SERPINF2: variants seen among roughly 807,000 people sequenced by gnomAD.
SERPINF2 encodes serpin family F member 2.
SERPINF2 carries 15 observed loss-of-function variants against 45.0 expected under a neutral mutation model. The ratio of observed to expected loss-of-function variants is 0.33; its 90% confidence interval spans 0.22 to 0.51. The LOEUF (loss-of-function observed/expected upper bound fraction) is 0.51. Ranked by LOEUF, SERPINF2 falls within the 20% of genes least tolerant of loss-of-function variation. SERPINF2 has a pLI of 0.97. For synonymous variants in SERPINF2, 283 were observed against 277.9 expected (o/e 1.02, Z -0.18); for missense variants, 518 against 637.4 (o/e 0.81, Z 2.02).
rs541869226 is a variant in SERPINF2, at chr17:1,747,168, C to T, written c.511+6C>T. 7.8e-5 allele frequency: 125 copies of T among 1,612,074 alleles called. 2 individuals are homozygous for T. In the South Asian group the frequency reaches 1.1e-3, roughly 15 times the overall value. On this transcript the variant is annotated splice_donor_region_variant and intron_variant, in intron 6 of 9. Transcript: ENST00000453066. ...CAGGATGTACCTGCAGAAAGGTAGG[C>T]GCTGATGGCAGGGAGCTCCCTCAGT...
At chr17:1,753,465 T>C (rs1906566696) in intron 9 of SERPINF2, among the ~76,000 whole-genome samples, 2 of 152,178 alleles carry the variant, frequency 1.3e-5, no homozygotes, top group Admixed American at 1.3e-4. Flanking sequence ...AGAGGGTGGA[T>C]CACCTGAGGT....
chr17:1,745,095 AG>A lies in SERPINF2; in HGVS notation c.63+42del. 6.7e-7 allele frequency: 1 copy of A among 1,493,584 alleles called. No individual in the cohort carries two copies. Among genetic ancestry groups the A allele is most frequent in the Non-Finnish European group, 9.2e-7 (1 of 1,090,666 alleles). The allele number at this position is 1,493,584 out of a possible 1,614,324, so 92.5% of individuals were successfully genotyped here. A position where few individuals can be genotyped will look rare whatever the true frequency, so the allele number is the denominator to read the frequency against. Reference sequence around the variant, plus strand: ...CTGAAGTCAAGGTGGGGTGGGGTGGAGGGGGAAGAAGAGGGGCGTTGGCATG... The same window carrying A: ...CTGAAGTCAAGGTGGGGTGGGGTGGAGGGGAAGAAGAGGGGCGTTGGCATG... On this transcript the variant is annotated intron_variant, in intron 2 of 9. Transcript: ENST00000453066. The surrounding 1 kb of genome is among the most constrained non-coding windows in gnomAD (Gnocchi z 6.2).
In SERPINF2 at chr17:1,747,436, G is replaced by A. The variant is rs370865079; in HGVS notation, c.639G>A (p.Glu213=). 21 of 1,614,200 alleles carry A rather than the reference G, an allele frequency of 1.3e-5. No individual in the cohort carries two copies. In the South Asian group the frequency reaches 2.3e-4, roughly 18 times the overall value. ...ACCAATGGGTGAAGGAGGCCACGGA[G>A]GGGAAGATTCAGGAATTCCTCTCTG... The part of the protein sequence containing the change: ...NINQWVKEAT[E]GKIQEFLSGL... Residue 213 remains glutamate (E), a synonymous_variant, in exon 7 of 10, where the codon GAG becomes GAA. Transcript: ENST00000453066.
intron 5 of SERPINF2, among the ~76,000 whole-genome samples, chr17:1,746,605 T>G (rs1414826983): frequency 6.6e-6 from 1 of 151,834 alleles, no homozygotes; most frequent in Non-Finnish European, 1.5e-5. Flanking sequence ...TTTTGTATTT[T>G]TAGTAGAGAC....
chr17:1,744,738 C>T (rs898932271), intron 1 of SERPINF2: 1 of 985,322 alleles, frequency 1.0e-6, no homozygotes, highest in African/African-American at 1.7e-5. Flanking sequence ...TTCACCAAAA[C>T]ACCCTCAGTG....
intron 1 of SERPINF2, 104 bp from the exon 2 acceptor site, chr17:1,744,888 C>T: frequency 2.5e-6 from 4 of 1,589,012 alleles, no homozygotes; most frequent in East Asian, 4.6e-5. Flanking sequence ...TTCCCCTTGG[C>T]AATCATGACC....
rs1906724121 is a variant in SERPINF2 at position 1,754,874 on chromosome 17, C to G, written c.*340C>G. 5.1e-6 allele frequency: 2 copies of G among 395,148 alleles called. No homozygotes were observed. Among genetic ancestry groups the G allele is most frequent in the Admixed American group, 8.5e-5 (2 of 23,590 alleles). 24.5% of individuals were successfully genotyped at this position (395,148 alleles called of 1,614,324 possible). ...CTGGGACACCCCGACTTTTGTTTAC[C>G]AGAGAAAAAGGGAGGGGGAGAGGGC... On this transcript the variant is annotated 3_prime_UTR_variant, in exon 10 of 10. Transcript: ENST00000453066.
rs755687036 is a variant in SERPINF2, at chr17:1,745,940, G to A, written c.367+31G>A. On this transcript the variant is annotated intron_variant, in intron 5 of 9. Transcript: ENST00000453066. This position sits in a 1 kb window ranked among gnomAD's most constrained non-coding sequence, Gnocchi z 6.2. ...CTGGCACCACTTGTCCAGACCAAGAGAGCTGGGAGGCCAGTAGGAACTCAG... is the reference window on the plus strand; with the variant it reads ...CTGGCACCACTTGTCCAGACCAAGAAAGCTGGGAGGCCAGTAGGAACTCAG... 10 of 1,602,592 alleles carry A rather than the reference G, an allele frequency of 6.2e-6. No homozygotes were observed. The East Asian group carries it at 1.8e-4, about 29-fold the overall frequency.
rs946174690 is a variant in SERPINF2, at chr17:1,755,207, G to C, written c.*673G>C. ...GGAAGGATCCCATGAGCTCCTTAAG[G>C]CTCTTTTGTAAGGTTTTTGTAGTGA... On this transcript the variant is annotated 3_prime_UTR_variant, in exon 10 of 10. Transcript: ENST00000453066. The surrounding 1 kb of genome is among the most constrained non-coding windows in gnomAD (Gnocchi z 4.2). 1.0e-4 allele frequency: 16 copies of C among 152,766 alleles called. 1 individual carries two copies. Among genetic ancestry groups the C allele is most frequent in the Admixed American group, 1.0e-3 (16 of 15,342 alleles). The allele number at this position is 152,766 out of a possible 1,614,324, so 9.5% of individuals were successfully genotyped here.
chr17:1,748,725 G>C lies in SERPINF2; in HGVS notation c.843G>C (p.Glu281Asp). The change falls in exon 8 of 10, where the codon GAG (glutamate) becomes GAC (aspartate). Residue 281 changes from glutamate to aspartate, a missense_variant. Transcript: ENST00000453066. ...RTYPLRWFLL[E>D]QPEIQVAHFP... ...ACCCGCTGCGCTGGTTCTTGCTGGA[G>C]CAGCCTGAGATCCAGGTCACCCTTG... The C allele has an allele frequency of 2.0e-6, 3 of 1,500,598 alleles. No homozygotes were observed. In the East Asian group the frequency reaches 6.8e-5, roughly 34 times the overall value. 93.0% of individuals were successfully genotyped at this position (1,500,598 alleles called of 1,614,324 possible).
chr17:1,750,273 C>A (rs917808531), intron 8 of SERPINF2, among the ~76,000 whole-genome samples: 1 of 152,068 alleles, frequency 6.6e-6, no homozygotes, highest in East Asian at 1.9e-4. Flanking sequence ...CTCAGCCTCC[C>A]GAGTAGCTTG....
At chr17:1,743,231 C>A (rs543269270) in intron 1 of SERPINF2, among the ~76,000 whole-genome samples, 54 of 152,190 alleles carry the variant, frequency 3.5e-4, no homozygotes, top group Admixed American at 1.0e-3. Context: ...CAACACCTGC[C>A]CTTCCCAGAG....
At chr17:1,742,933 C>T (rs948468490) in intron 1 of SERPINF2, 25 bp downstream of exon 1, 9 of 985,354 alleles carry the variant, frequency 9.1e-6, no homozygotes, top group Non-Finnish European at 1.1e-5. Flanking sequence ...GCTGCTCGGC[C>T]TGCTCCTTGG....
chr17:1,752,560 A>C (rs766017409), intron 8 of SERPINF2, 26 bp from the exon 9 acceptor site: 1 of 1,611,090 alleles, frequency 6.2e-7, no homozygotes, highest in Non-Finnish European at 8.5e-7. Context: ...TTCTGTCCTC[A>C]TGCTCTTCCC....
In SERPINF2 at chr17:1,754,685, T is replaced by TGGGGGGGGGGG; in HGVS notation, c.*161_*162insGGGGGGGGGGG. 1.7e-5 allele frequency: 3 copies of TGGGGGGGGGGG among 179,690 alleles called. No homozygotes were observed. Among genetic ancestry groups the TGGGGGGGGGGG allele is most frequent in the Non-Finnish European group, 3.2e-5 (3 of 94,442 alleles). 11.1% of individuals were successfully genotyped at this position (179,690 alleles called of 1,614,324 possible). ...CCAACACCTCTTGGGGAGTTTAGGG[T>TGGGGGGGGGGG]GGGGGGGGGGCGCGGCTGGGAGGAG... On this transcript the variant is annotated 3_prime_UTR_variant, in exon 10 of 10. Transcript: ENST00000453066.
At position 1,742,893 on chromosome 17, in the gene SERPINF2, C is replaced by A; in HGVS notation, c.-20C>A. The A allele has an allele frequency of 1.0e-6, 1 of 985,116 alleles. No homozygotes were observed. The allele number at this position is 985,116 out of a possible 1,614,324, so 61.0% of individuals were successfully genotyped here. ...GCCAGAGGAACGTTGTGTGTGGCAG[C>A]AAGGAGCCCGCAGAGGTATGAGGGG... On this transcript the variant is annotated 5_prime_UTR_variant, in exon 1 of 10. Transcript: ENST00000453066.
downstream of SERPINF2, chr17:1,755,265 CCTGG>C (rs1567746546): frequency 6.5e-6 from 1 of 152,726 alleles, no homozygotes; most frequent in African/African-American, 2.4e-5. This position sits in a 1 kb window ranked among gnomAD's most constrained non-coding sequence, Gnocchi z 4.2. Flanking sequence ...AATGAATGGG[CCTGG>C]CTGGTTTGAT....
At chr17:1,747,779 G>A (rs1465572982) in intron 7 of SERPINF2, among the ~76,000 whole-genome samples, 1 of 152,038 alleles carries the variant, frequency 6.6e-6, no homozygotes, top group East Asian at 2.0e-4. Flanking sequence ...GGCCAGGCTG[G>A]CCTTGAACTC....
rs528258352 is a variant in SERPINF2, at chr17:1,749,885, C to T, written c.858+1145C>T. 5.3e-5 allele frequency among the ~76,000 whole-genome samples: 8 copies of T among 152,312 alleles called. 1 individual carries two copies. The South Asian group carries it at 8.3e-4, about 16-fold the overall frequency. On this transcript the variant is annotated intron_variant, in intron 8 of 9. Transcript: ENST00000453066. ...GCAGCCCCCAGCCTGGGAGATTCCA[C>T]GGGGCGCTCACACAGTGCTCCTTAG... is the stretch of plus-strand genomic sequence containing the variant.
Sources: allele counts gnomAD v4.1 joint callset (sites outside exome capture counted in the v4.1 genomes callset), GRCh38; gene constraint gnomAD v4.1.1; non-coding constraint Gnocchi (gnomAD v3.1); transcripts MANE v1.5; gene names NCBI Gene and HGNC (gene_info 2026-07-23, HGNC 2026-07-21).